MGAT5: variants seen among roughly 807,000 people sequenced by gnomAD.
MGAT5 encodes the protein alpha-1,6-mannosylglycoprotein 6-beta-N-acetylglucosaminyltransferase.
MGAT5 carries 30 observed loss-of-function variants against 94.3 expected under a neutral mutation model. That is an observed-to-expected ratio of 0.32 (90% confidence interval 0.24 to 0.43). MGAT5 has a LOEUF of 0.43. Ranked by LOEUF, MGAT5 falls within the 20% of genes least tolerant of loss-of-function variation. The pLI is 1.00. For synonymous variants in MGAT5, 310 were observed against 322.9 expected (o/e 0.96, Z 0.43); for missense variants, 691 against 905.5 (o/e 0.76, Z 3.04).
intron 1 of MGAT5, among the ~76,000 whole-genome samples, chr2:134,204,317 G>C (rs1679931598): frequency 1.3e-5 from 2 of 152,182 alleles, no homozygotes; most frequent in Non-Finnish European, 2.9e-5. Flanking sequence ...CTCAGTACGA[G>C]AAATTCTAAT....
chr2:134,433,099 C>T (rs1249951974), intron 14 of MGAT5, among the ~76,000 whole-genome samples: 10 of 152,208 alleles, frequency 6.6e-5, no homozygotes, highest in African/African-American at 2.4e-4. Flanking sequence ...CTTGCTCCCA[C>T]CCCAGGCCTA....
chr2:134,263,765 C>G (rs1462126643), intron 1 of MGAT5, among the ~76,000 whole-genome samples: 1 of 151,970 alleles, frequency 6.6e-6, no homozygotes, highest in Non-Finnish European at 1.5e-5. Flanking sequence ...TTTAAAATAA[C>G]ACTTAATGCC....
intron 2 of MGAT5, among the ~76,000 whole-genome samples, chr2:134,301,538 T>C (rs936654216): frequency 1.3e-5 from 2 of 152,140 alleles, no homozygotes; most frequent in African/African-American, 4.8e-5. Flanking sequence ...AGAACCTACT[T>C]TTTTTTGGTT....
Position 134,422,883 on chromosome 2 carries a change from A to G in MGAT5, c.1758A>G (p.Glu586=). The change falls in exon 13 of 16, where the codon GAA becomes GAG. Residue 586 remains glutamate (E), a synonymous_variant. Transcript: ENST00000281923. ...VWTVDLNNQE[E]VEDAVKAILN... ...CTGTTGACCTCAACAATCAGGAGGA[A>G]GTAGAGGATGCAGTGAAAGCAATTT... 1 of 1,613,812 alleles carries G rather than the reference A, an allele frequency of 6.2e-7. No homozygotes were observed. Among genetic ancestry groups the G allele is most frequent in the Non-Finnish European group, 8.5e-7 (1 of 1,179,748 alleles).
chr2:134,366,477 G>A (rs1412264453), intron 10 of MGAT5, among the ~76,000 whole-genome samples: 1 of 152,144 alleles, frequency 6.6e-6, no homozygotes, highest in African/African-American at 2.4e-5. Context: ...AAATGTCCTG[G>A]AGGCCTTTCT....
chr2:134,274,517 C>T (rs1489711219), intron 2 of MGAT5, among the ~76,000 whole-genome samples: 5 of 152,122 alleles, frequency 3.3e-5, no homozygotes, highest in African/African-American at 1.2e-4. Flanking sequence ...AGTTACAATC[C>T]TAGATTGTGA....
At chr2:134,234,592 C>T (rs1410438789) in intron 1 of MGAT5, among the ~76,000 whole-genome samples, 1 of 152,168 alleles carries the variant, frequency 6.6e-6, no homozygotes, top group African/African-American at 2.4e-5. Flanking sequence ...CTTAGGCTTT[C>T]TGGATTCTGA....
At chr2:134,280,151 C>T (rs1684602706) in intron 2 of MGAT5, among the ~76,000 whole-genome samples, 1 of 152,256 alleles carries the variant, frequency 6.6e-6, no homozygotes, top group South Asian at 2.1e-4. Flanking sequence ...TTTCCTTTCT[C>T]GCTTACATCC....
intron 12 of MGAT5, among the ~76,000 whole-genome samples, chr2:134,422,192 G>A (rs1333279414): frequency 6.6e-6 from 1 of 152,106 alleles, no homozygotes; most frequent in East Asian, 1.9e-4. Context: ...CATGAATTCA[G>A]AATTGTCATG....
intron 14 of MGAT5, among the ~76,000 whole-genome samples, chr2:134,431,809 G>A (rs1044413664): frequency 7.2e-5 from 11 of 152,172 alleles, no homozygotes; most frequent in African/African-American, 2.4e-4. Context: ...GACAGCAATC[G>A]AGGGCACGCC....
intron 8 of MGAT5, among the ~76,000 whole-genome samples, chr2:134,346,652 A>C (rs746553146): frequency 6.6e-6 from 1 of 152,142 alleles, no homozygotes; most frequent in Non-Finnish European, 1.5e-5. Flanking sequence ...CTGATCTTTC[A>C]ATTAGGAACA....
intron 1 of MGAT5, among the ~76,000 whole-genome samples, chr2:134,191,013 C>T (rs1157339454): frequency 1.3e-5 from 2 of 152,204 alleles, no homozygotes; most frequent in Non-Finnish European, 2.9e-5. Flanking sequence ...GTCTCCAATT[C>T]CTGGGCTCAG....
chr2:134,426,122 T>A (rs1684573753), intron 13 of MGAT5, among the ~76,000 whole-genome samples: 1 of 152,164 alleles, frequency 6.6e-6, no homozygotes, highest in East Asian at 1.9e-4. Flanking sequence ...CTGTCAGGAC[T>A]CTGAAGAGCT....
chr2:134,181,160 A>G (rs1489327389), intron 1 of MGAT5, among the ~76,000 whole-genome samples: 1 of 152,116 alleles, frequency 6.6e-6, no homozygotes, highest in Non-Finnish European at 1.5e-5. Flanking sequence ...ACCAGGGACA[A>G]TTTTGTTCTC....
chr2:134,409,054 T>A (rs964869196), intron 11 of MGAT5, among the ~76,000 whole-genome samples: 1 of 152,204 alleles, frequency 6.6e-6, no homozygotes, highest in Non-Finnish European at 1.5e-5. Flanking sequence ...TAAATATACA[T>A]GCAGGTGCTG....
intron 1 of MGAT5, among the ~76,000 whole-genome samples, chr2:134,156,792 G>C (rs1013505697): frequency 5.9e-5 from 9 of 152,136 alleles, no homozygotes; most frequent in Admixed American, 2.0e-4. Context: ...GGTTTCAGGG[G>C]CTTTGCATGG....
intron 1 of MGAT5, among the ~76,000 whole-genome samples, chr2:134,147,227 G>A (rs1181749663): frequency 1.3e-5 from 2 of 152,144 alleles, no homozygotes; most frequent in Admixed American, 1.3e-4. Context: ...ACTGTGATTT[G>A]GGAAAAGAAC....
chr2:134,412,165 G>C (rs1312937494), intron 11 of MGAT5, among the ~76,000 whole-genome samples: 1 of 152,148 alleles, frequency 6.6e-6, no homozygotes, highest in African/African-American at 2.4e-5. Context: ...TGAGGACTGA[G>C]AGCAAGTTGT....
intron 1 of MGAT5, among the ~76,000 whole-genome samples, chr2:134,181,789 C>G (rs1293712548): frequency 6.6e-6 from 1 of 152,130 alleles, no homozygotes; most frequent in Non-Finnish European, 1.5e-5. Context: ...ACAGTTGGTC[C>G]CAATGCACAT....
Sources: allele counts gnomAD v4.1 joint callset (sites outside exome capture counted in the v4.1 genomes callset), GRCh38; gene constraint gnomAD v4.1.1; transcripts MANE v1.5; gene names NCBI Gene and HGNC (gene_info 2026-07-23, HGNC 2026-07-21).